Variants in SESN1 observed in about 807,000 individuals in gnomAD.
The protein encoded by SESN1 is sestrin 1.
In SESN1, 30 loss-of-function variants were observed where a neutral mutation model predicts 59.3. The ratio of observed to expected loss-of-function variants is 0.51; its 90% CI spans 0.38 to 0.69. The LOEUF (loss-of-function observed/expected upper bound fraction) is 0.69. Ranked by LOEUF, SESN1 falls within the 30% of genes least tolerant of loss-of-function variation. SESN1 has a pLI of 0.00. For missense variants in SESN1, 566 were observed against 673.0 expected, an observed-to-expected ratio of 0.84 and a Z score of 1.76; for synonymous variants, 197 against 219.9, an observed-to-expected ratio of 0.90 and a Z score of 0.92.
chr6:109,000,725 T>G, intron 3 of SESN1, 52 bp from the exon 4 acceptor site: 1 of 1,312,830 alleles, frequency 7.6e-7, no homozygotes, highest in Non-Finnish European at 1.0e-6. Context: ...TTGAACTACA[T>G]ATCCTTTTTA....
At chr6:109,006,896 C>G (rs1410789321) in intron 1 of SESN1, among the ~76,000 whole-genome samples, 1 of 152,162 alleles carries the variant, frequency 6.6e-6, no homozygotes, top group Non-Finnish European at 1.5e-5. Context: ...TCATCTGTAG[C>G]TGTAAGAAAC....
chr6:109,042,771 C>T (rs570124048), intron 1 of SESN1, among the ~76,000 whole-genome samples: 57 of 152,090 alleles, frequency 3.7e-4, no homozygotes, highest in Non-Finnish European at 7.5e-4. Flanking sequence ...CTGGATAACT[C>T]CACCAAACAT....
chr6:109,036,646 G>A (rs1583281251), intron 1 of SESN1, among the ~76,000 whole-genome samples: 2 of 152,250 alleles, frequency 1.3e-5, no homozygotes, highest in Non-Finnish European at 2.9e-5. Context: ...TTAGGTTGTG[G>A]TTTTTAACAC....
intron 1 of SESN1, among the ~76,000 whole-genome samples, chr6:109,070,975 G>A (rs898783585): frequency 6.6e-5 from 10 of 152,190 alleles, no homozygotes. Context: ...TACCCAGGTA[G>A]GGAAGGACGT....
intron 1 of SESN1, among the ~76,000 whole-genome samples, chr6:109,005,711 T>C (rs933309811): frequency 6.6e-6 from 1 of 152,164 alleles, no homozygotes. Context: ...GTCTCCCCTC[T>C]TCCTTAGCCT....
chr6:109,067,026 C>A (rs1360266014), intron 1 of SESN1, among the ~76,000 whole-genome samples: 2 of 152,160 alleles, frequency 1.3e-5, no homozygotes, highest in African/African-American at 4.8e-5. Flanking sequence ...CTCAGACAGG[C>A]CTACTTTGAA....
chr6:109,093,730 G>A, intron 1 of SESN1, 65 bp downstream of exon 1: 1 of 1,487,862 alleles, frequency 6.7e-7, no homozygotes, highest in South Asian at 1.3e-5. Flanking sequence ...AACACAACGT[G>A]AATAACGGCA....
chr6:109,009,102 A>T (rs900345204), intron 1 of SESN1: 4 of 772,258 alleles, frequency 5.2e-6, no homozygotes, highest in Non-Finnish European at 7.0e-6. Context: ...AGTCTCTCCC[A>T]GCTTAGCATT....
At chr6:109,090,196 T>C (rs1037936438) in intron 1 of SESN1, among the ~76,000 whole-genome samples, 15 of 152,218 alleles carry the variant, frequency 9.9e-5, no homozygotes, top group African/African-American at 2.9e-4. Context: ...ATAATGCTCA[T>C]TTTGCAGATG....
At chr6:109,032,014 G>T (rs577788972) in intron 1 of SESN1, among the ~76,000 whole-genome samples, 10 of 152,014 alleles carry the variant, frequency 6.6e-5, no homozygotes, top group African/African-American at 2.4e-4. Flanking sequence ...ATAAAATTTC[G>T]TGTTAAGTAC....
At chr6:109,067,832 T>C (rs995171317) in intron 1 of SESN1, among the ~76,000 whole-genome samples, 2 of 152,232 alleles carry the variant, frequency 1.3e-5, no homozygotes, top group Non-Finnish European at 2.9e-5. Context: ...CTGCAAAGTA[T>C]GTATCTGCCC....
rs59793015 is a variant in SESN1, at chr6:109,085,515, T to TCACACA, written c.279+8274_279+8279dup. On this transcript the variant is annotated intron_variant, in intron 1 of 9. Transcript: ENST00000436639. The stretch of plus-strand genomic sequence containing the variant: ...GCCTAGGTGACAGAGTGACACTCCG[T>TCACACA]CACACACACACACACACACACACAC... Among the ~76,000 whole-genome samples the TCACACA allele has an allele frequency of 6.0e-3, 889 of 148,498 alleles. 14 individuals are homozygous for TCACACA. Among genetic ancestry groups the TCACACA allele is most frequent in the African/African-American group, 0.021 (846 of 40,416 alleles).
chr6:109,088,690 A>G (rs1352046571), intron 1 of SESN1, among the ~76,000 whole-genome samples: 1 of 152,238 alleles, frequency 6.6e-6, no homozygotes, highest in Non-Finnish European at 1.5e-5. Context: ...ATCTTTTGAT[A>G]CATATGTGCT....
intron 1 of SESN1, among the ~76,000 whole-genome samples, chr6:109,078,657 G>T (rs1781068579): frequency 6.6e-6 from 1 of 151,920 alleles, no homozygotes; most frequent in South Asian, 2.1e-4. Context: ...TTTGTTCTTC[G>T]ATTTTCATTA....
intron 1 of SESN1, among the ~76,000 whole-genome samples, chr6:109,092,923 T>C (rs551690485): frequency 5.1e-4 from 78 of 152,270 alleles, no homozygotes; most frequent in Non-Finnish European, 1.0e-3. Context: ...TTAACTTACA[T>C]AGTTACCCAA....
At position 109,085,901 on chromosome 6, in the gene SESN1, T is replaced by C. The variant is rs551369488; in HGVS notation, c.279+7894A>G. The stretch of plus-strand genomic sequence containing the variant: ...TGCCCTCCCTGACCAGCATCAACTC[T>C]GTTCTTCCACAAATTCTAAGATTTT... On this transcript the variant is annotated intron_variant, in intron 1 of 9. Transcript: ENST00000436639. Among the ~76,000 whole-genome samples the C allele has an allele frequency of 9.8e-4, 150 of 152,358 alleles. 1 individual carries two copies. Among genetic ancestry groups the C allele is most frequent in the African/African-American group, 3.5e-3 (147 of 41,580 alleles).
At chr6:109,074,575 A>G (rs900799882) in intron 1 of SESN1, among the ~76,000 whole-genome samples, 16 of 152,206 alleles carry the variant, frequency 1.1e-4, no homozygotes, top group Non-Finnish European at 2.2e-4. Context: ...ATAAAGTGAA[A>G]AAAGACAAAA....
chr6:109,039,048 G>T (rs913328837), intron 1 of SESN1, among the ~76,000 whole-genome samples: 33 of 147,096 alleles, frequency 2.2e-4, no homozygotes, highest in Non-Finnish European at 5.0e-4. Context: ...AAGAAGGAGG[G>T]AGAAGGAGAA....
chr6:108,988,716 T>A, intron 8 of SESN1, 29 bp from the exon 9 acceptor site: 1 of 1,546,566 alleles, frequency 6.5e-7, no homozygotes, highest in Non-Finnish European at 8.8e-7. Flanking sequence ...AGAATTATGA[T>A]ATTTTCAGTG....
Sources: allele counts gnomAD v4.1 joint callset (sites outside exome capture counted in the v4.1 genomes callset), GRCh38; gene constraint gnomAD v4.1.1; transcripts MANE v1.5; gene names NCBI Gene and HGNC (gene_info 2026-07-23, HGNC 2026-07-21).